The following SHTN1 variants were observed in gnomAD, a reference collection of about 807,000 sequenced individuals.
The protein encoded by SHTN1 is shootin 1.
Under a neutral mutation model 83.1 loss-of-function variants are expected in SHTN1, and 42 were observed. That is an observed-to-expected ratio of 0.51 (90% confidence interval 0.39 to 0.65). The LOEUF (loss-of-function observed/expected upper bound fraction) is 0.65. SHTN1 is among the 30% of genes least tolerant of loss of function. The pLI, the probability that SHTN1 is intolerant of heterozygous loss-of-function variation, is 0.00. For missense variants in SHTN1, 622 were observed against 737.8 expected, an observed-to-expected ratio of 0.84 and a Z score of 1.82; for synonymous variants, 224 against 247.7, an observed-to-expected ratio of 0.90 and a Z score of 0.90.
At chr10:116,937,031 T>A (rs1849194704) in intron 9 of SHTN1, among the ~76,000 whole-genome samples, 1 of 152,164 alleles carries the variant, frequency 6.6e-6, no homozygotes, top group Non-Finnish European at 1.5e-5. Context: ...TATGCCTCCA[T>A]CCCTTTATTT....
intron 2 of SHTN1, among the ~76,000 whole-genome samples, chr10:117,045,230 G>A (rs1372394855): frequency 1.3e-5 from 2 of 152,122 alleles, no homozygotes; most frequent in Non-Finnish European, 2.9e-5. Context: ...TGAGAACACT[G>A]ACAAAATTGT....
intron 9 of SHTN1, among the ~76,000 whole-genome samples, chr10:116,935,303 G>A (rs982593752): frequency 2.0e-5 from 3 of 152,182 alleles, no homozygotes; most frequent in African/African-American, 2.4e-5. Context: ...CAGTGGGTTT[G>A]TCATAAATAG....
chr10:116,982,354 T>C (rs988595815), intron 1 of SHTN1, among the ~76,000 whole-genome samples: 2 of 152,156 alleles, frequency 1.3e-5, no homozygotes, highest in African/African-American at 4.8e-5. Flanking sequence ...AGGGAAAGTA[T>C]GAGAATAATT....
intron 2 of SHTN1, among the ~76,000 whole-genome samples, chr10:117,025,188 A>G (rs1344826876): frequency 6.6e-6 from 1 of 152,204 alleles, no homozygotes; most frequent in Non-Finnish European, 1.5e-5. Flanking sequence ...AACAGTCTCG[A>G]ATCACTAATG....
intron 9 of SHTN1, 32 bp downstream of exon 9, chr10:116,940,434 T>TG (rs769684294): frequency 3.1e-6 from 5 of 1,608,968 alleles, no homozygotes. Flanking sequence ...TATGTGTGTG[T>TG]GTACCTAAGA....
rs954841007 is a variant in SHTN1 at position 117,071,848 on chromosome 10, T to C, written c.-188-23338A>G. 7.9e-5 allele frequency among the ~76,000 whole-genome samples: 12 copies of C among 152,200 alleles called. No individual in the cohort carries two copies. In the South Asian group the frequency reaches 2.5e-3, roughly 31 times the overall value. ...AGAATCCTGTTGCAAATCCTGCTGT[T>C]GTATATGTCACTGCAAATTGTATTT... On this transcript the variant is annotated intron_variant, in intron 1 of 17. Coordinates refer to the SHTN1 transcript ENST00000392901.
At chr10:117,018,595 G>A (rs1181298769) in intron 2 of SHTN1, among the ~76,000 whole-genome samples, 15 of 138,876 alleles carry the variant, frequency 1.1e-4, no homozygotes, top group East Asian at 1.0e-3. Context: ...TTTTTGAGAT[G>A]GAGTCTTGCT....
At chr10:117,121,993 C>G (rs12770128) in intron 1 of SHTN1, among the ~76,000 whole-genome samples, 1 of 151,848 alleles carries the variant, frequency 6.6e-6, no homozygotes, top group Non-Finnish European at 1.5e-5. Flanking sequence ...GATCGCGCCA[C>G]TGCACTCCAG....
At chr10:116,905,164 T>TGCAGTCC (rs1847917314) in intron 15 of SHTN1, among the ~76,000 whole-genome samples, 1 of 142,306 alleles carries the variant, frequency 7.0e-6, no homozygotes, top group Non-Finnish European at 1.5e-5. Context: ...ATTGCGCCAC[T>TGCAGTCC]GCAGTCCGCA....
At chr10:117,085,714 T>C (rs1027253510) in intron 1 of SHTN1, among the ~76,000 whole-genome samples, 6 of 152,246 alleles carry the variant, frequency 3.9e-5, no homozygotes, top group Non-Finnish European at 7.3e-5. Context: ...GATAGAAGTG[T>C]GTTGAAATCA....
intron 9 of SHTN1, among the ~76,000 whole-genome samples, chr10:116,931,344 G>C (rs1848957435): frequency 6.6e-6 from 1 of 152,102 alleles, no homozygotes; most frequent in Non-Finnish European, 1.5e-5. Context: ...CGCCTCCTGG[G>C]TTCAAACAAT....
intron 1 of SHTN1, among the ~76,000 whole-genome samples, chr10:117,116,627 A>G (rs1589938801): frequency 6.6e-6 from 1 of 152,196 alleles, no homozygotes; most frequent in African/African-American, 2.4e-5. Context: ...CTAAAGGCCA[A>G]TATCATTGAT....
chr10:117,000,932 G>T (rs1467928315), intron 1 of SHTN1, among the ~76,000 whole-genome samples: 1 of 152,138 alleles, frequency 6.6e-6, no homozygotes. Flanking sequence ...ACAGTGCCTG[G>T]CTATGAATAT....
chr10:116,893,931 T>C (rs1267307137), intron 16 of SHTN1, among the ~76,000 whole-genome samples: 2 of 152,192 alleles, frequency 1.3e-5, no homozygotes, highest in Non-Finnish European at 2.9e-5. Context: ...ATAGCTCAGA[T>C]TCTCCAGCTC....
intron 5 of SHTN1, among the ~76,000 whole-genome samples, chr10:116,953,633 T>TTG (rs1554918506): frequency 7.1e-6 from 1 of 141,580 alleles, no homozygotes; most frequent in African/African-American, 2.6e-5. Flanking sequence ...GTTTTTTTTT[T>TTG]TTTTTTTTTT....
chr10:117,010,550 AAGG>A (rs1254118252), upstream of SHTN1, among the ~76,000 whole-genome samples: 19 of 152,160 alleles, frequency 1.2e-4, no homozygotes, highest in Admixed American at 1.2e-3. Context: ...AAACACAAAA[AAGG>A]AGAGAACACT....
intron 3 of SHTN1, among the ~76,000 whole-genome samples, chr10:116,965,696 G>T (rs548509729): frequency 1.3e-5 from 2 of 152,332 alleles, no homozygotes; most frequent in East Asian, 3.9e-4. Flanking sequence ...GGATATTTTA[G>T]TTGATGAGAT....
chr10:117,047,525 G>A (rs956744564), intron 2 of SHTN1, among the ~76,000 whole-genome samples: 12 of 152,060 alleles, frequency 7.9e-5, no homozygotes, highest in East Asian at 7.7e-4. Flanking sequence ...GAAAGCAAAC[G>A]TATCAACGAT....
intron 3 of SHTN1, among the ~76,000 whole-genome samples, chr10:116,966,962 A>AT (rs1850417661): frequency 6.6e-6 from 1 of 152,244 alleles, no homozygotes; most frequent in Non-Finnish European, 1.5e-5. Context: ...GGTAATATCA[A>AT]TAAGATTCCC....
Sources: allele counts gnomAD v4.1 joint callset (sites outside exome capture counted in the v4.1 genomes callset), GRCh38; gene constraint gnomAD v4.1.1; transcripts MANE v1.5; gene names NCBI Gene and HGNC (gene_info 2026-07-23, HGNC 2026-07-21).